NUDCD1: variants seen among roughly 807,000 people sequenced by gnomAD.
The protein encoded by NUDCD1 is NudC domain containing 1.
NUDCD1 carries 60 observed loss-of-function variants against 67.8 expected under a neutral mutation model. The observed-to-expected ratio is 0.88, with a 90% CI of 0.72 to 1.10. The LOEUF (loss-of-function observed/expected upper bound fraction) is 1.10. Among genes scored for constraint, NUDCD1 ranks in the 50% least tolerant of loss-of-function variants. The pLI is 0.00. For missense variants in NUDCD1, 643 were observed against 695.0 expected (o/e 0.93, Z 0.84); for synonymous variants, 244 against 230.8 (o/e 1.06, Z -0.52).
At chr8:109,252,772 C>G (rs904100510) in intron 8 of NUDCD1, among the ~76,000 whole-genome samples, 4 of 152,184 alleles carry the variant, frequency 2.6e-5, no homozygotes, top group Non-Finnish European at 5.9e-5. Flanking sequence ...AGATTTTAAG[C>G]TGTTGGCTGC....
intron 8 of NUDCD1, among the ~76,000 whole-genome samples, chr8:109,251,071 T>A (rs1035944644): frequency 2.0e-4 from 30 of 152,188 alleles, no homozygotes; most frequent in Admixed American, 9.2e-4. Flanking sequence ...AATAAACCAG[T>A]GAAGCCATCT....
chr8:109,305,631 C>T (rs1002349665), intron 2 of NUDCD1, among the ~76,000 whole-genome samples: 1 of 152,100 alleles, frequency 6.6e-6, no homozygotes, highest in Non-Finnish European at 1.5e-5. Context: ...TCGGCCCCAA[C>T]CTCATCCCAA....
At chr8:109,287,686 T>G (rs779073449) in intron 5 of NUDCD1, among the ~76,000 whole-genome samples, 1 of 152,154 alleles carries the variant, frequency 6.6e-6, no homozygotes, top group African/African-American at 2.4e-5. Context: ...CTATGCTCAG[T>G]ACCTGGGTGA....
In NUDCD1 at chr8:109,243,179, T is replaced by C. The variant is rs1171568394; in HGVS notation, c.1582A>G (p.Thr528Ala). 1 of 1,613,810 alleles carries C rather than the reference T, an allele frequency of 6.2e-7. No individual in the cohort carries two copies. The highest frequency in any genetic ancestry group is 8.5e-7 in the Non-Finnish European group (1 of 1,179,822). The change falls in exon 10 of 10, where the codon ACT becomes GCT. Residue 528 changes from threonine to alanine, a missense_variant. Transcript: ENST00000239690. ...CCTTCCTTTCTGTTGTAAAGTACAG[T>C]GGACATGGGAGCAGGCTGACGATAG... Reference protein sequence around the residue: ...FIYRQPAPMSTVLYNRKEGRQ... With the variant: ...FIYRQPAPMSAVLYNRKEGRQ...
At chr8:109,296,747 C>T (rs1174869012) in intron 2 of NUDCD1, among the ~76,000 whole-genome samples, 178 bp from the exon 3 acceptor site, 2 of 152,176 alleles carry the variant, frequency 1.3e-5, no homozygotes, top group Non-Finnish European at 2.9e-5. Context: ...GTAGATGTGA[C>T]AGATGGCATA....
At chr8:109,329,700 A>G (rs1815759434) in intron 1 of NUDCD1, 3 of 1,030,072 alleles carry the variant, frequency 2.9e-6, no homozygotes, top group Non-Finnish European at 4.3e-6. Flanking sequence ...GGGTGTATAC[A>G]TATATCACAA....
intron 8 of NUDCD1, among the ~76,000 whole-genome samples, chr8:109,258,949 G>A (rs1270648707): frequency 6.6e-6 from 1 of 152,046 alleles, no homozygotes; most frequent in East Asian, 1.9e-4. Context: ...TCACAATCCC[G>A]AAAGAAACTA....
In NUDCD1 at chr8:109,311,559, G is replaced by GTATATATATATATATATATATA. The variant is rs1554617136; in HGVS notation, c.273+10749_273+10750insTATATATATATATATATATATA. ...AATGAGTGGATAAAGAAACTGTGGT[G>GTATATATATATATATATATATA]TATATATATATATGATGGGATACTG... On this transcript the variant is annotated intron_variant, in intron 2 of 9. Transcript: ENST00000239690. Among the ~76,000 whole-genome samples the GTATATATATATATATATATATA allele has an allele frequency of 1.3e-4, 16 of 125,160 alleles. 1 individual carries two copies. The highest frequency in any genetic ancestry group is 4.1e-4 in the East Asian group (2 of 4,928). 82.1% of individuals were successfully genotyped at this position (125,160 alleles called of 152,430 possible).
At chr8:109,263,724 G>T (rs182531444) in intron 8 of NUDCD1, among the ~76,000 whole-genome samples, 1 of 151,914 alleles carries the variant, frequency 6.6e-6, no homozygotes, top group Non-Finnish European at 1.5e-5. Context: ...GGGTTGGGGA[G>T]GGGGGTGCTG....
intron 2 of NUDCD1, among the ~76,000 whole-genome samples, chr8:109,317,817 C>G (rs1364428866): frequency 6.6e-6 from 1 of 152,158 alleles, no homozygotes; most frequent in Admixed American, 6.5e-5. Flanking sequence ...TTTTCACACA[C>G]CTTGCTTTAA....
intron 7 of NUDCD1, 38 bp from the exon 8 acceptor site, chr8:109,271,168 A>C: frequency 7.1e-7 from 1 of 1,403,516 alleles, no homozygotes; most frequent in Non-Finnish European, 9.8e-7. Context: ...TAAGTAAAAC[A>C]AATAAACAAG....
intron 2 of NUDCD1, among the ~76,000 whole-genome samples, chr8:109,311,389 A>G (rs749567244): frequency 1.3e-4 from 20 of 151,854 alleles, no homozygotes; most frequent in Non-Finnish European, 1.8e-4. Context: ...TAAAAGTAGA[A>G]CCTCCATTTG....
At chr8:109,294,287 T>C (rs1458916) in intron 3 of NUDCD1, among the ~76,000 whole-genome samples, 61,425 of 151,652 alleles carry the variant, frequency 0.41, 12,672 homozygotes, top group South Asian at 0.5. Flanking sequence ...CATATCTACT[T>C]CTACTTGAAA....
chr8:109,268,064 A>G (rs983193596), intron 8 of NUDCD1, among the ~76,000 whole-genome samples: 3 of 152,126 alleles, frequency 2.0e-5, no homozygotes, highest in Non-Finnish European at 4.4e-5. Flanking sequence ...CTGTAAAATG[A>G]AGAAGATGAA....
chr8:109,310,293 A>G (rs1439672556), intron 2 of NUDCD1, among the ~76,000 whole-genome samples: 1 of 152,148 alleles, frequency 6.6e-6, no homozygotes, highest in Non-Finnish European at 1.5e-5. Flanking sequence ...TGGAAAAAAA[A>G]AGAGAATCCA....
At chr8:109,280,776 T>A (rs1814416223) in intron 6 of NUDCD1, among the ~76,000 whole-genome samples, 192 bp downstream of exon 6, 1 of 152,230 alleles carries the variant, frequency 6.6e-6, no homozygotes, top group African/African-American at 2.4e-5. Context: ...GTGATAGCTA[T>A]GCTACTATCT....
At position 109,271,857 on chromosome 8, in the gene NUDCD1, T is replaced by C. The variant is rs564315672; in HGVS notation, c.1174-727A>G. Among the ~76,000 whole-genome samples the C allele has an allele frequency of 6.8e-4, 104 of 152,146 alleles. 1 individual carries two copies. Among genetic ancestry groups the C allele is most frequent in the Middle Eastern group, 3.4e-3 (1 of 294 alleles). Reference sequence around the variant, plus strand: ...ACAGCTGACTTCTCATCAGAAACTATGTAGGCCGGAATACAATGGTGGATA... The same window carrying C: ...ACAGCTGACTTCTCATCAGAAACTACGTAGGCCGGAATACAATGGTGGATA... On this transcript the variant is annotated intron_variant, in intron 7 of 9. Coordinates refer to ENST00000239690, the MANE Select transcript of NUDCD1 (RefSeq NM_032869.4).
At chr8:109,288,973 GT>G (rs1814636825) in intron 5 of NUDCD1, among the ~76,000 whole-genome samples, 1 of 148,678 alleles carries the variant, frequency 6.7e-6, no homozygotes, top group Non-Finnish European at 1.5e-5. Flanking sequence ...GAAATTTCTT[GT>G]TAGTCTTTTC....
intron 2 of NUDCD1, among the ~76,000 whole-genome samples, chr8:109,316,949 T>C (rs1815414441): frequency 6.6e-6 from 1 of 152,144 alleles, no homozygotes; most frequent in Admixed American, 6.5e-5. Context: ...TTTAAGAACC[T>C]AAAACATGGT....
Sources: gnomAD v4.1 joint callset for allele counts (sites outside exome capture counted in the v4.1 genomes callset) on GRCh38, gnomAD v4.1.1 for gene constraint, MANE v1.5 for transcripts, NCBI Gene and HGNC (gene_info 2026-07-23, HGNC 2026-07-21) for gene names.